Variants in KCNK1 observed in about 807,000 individuals in gnomAD.
The protein encoded by KCNK1 is potassium channel subfamily K member 1.
A neutral mutation model predicts 22.2 loss-of-function variants in KCNK1; 10 were observed. That is an observed-to-expected ratio of 0.45 (90% CI 0.28 to 0.76). The LOEUF (loss-of-function observed/expected upper bound fraction) is 0.76, where lower values mean the gene tolerates loss of function less well. Ranked by LOEUF, KCNK1 falls within the 30% of genes least tolerant of loss-of-function variation. KCNK1 has a pLI of 0.14. For synonymous variants in KCNK1, 200 were observed against 186.4 expected (o/e 1.07, Z -0.60); for missense variants, 378 against 421.0 (o/e 0.90, Z 0.89).
chr1:233,647,059 A>C (rs1312976968), intron 1 of KCNK1, among the ~76,000 whole-genome samples: 1 of 152,154 alleles, frequency 6.6e-6, no homozygotes, highest in African/African-American at 2.4e-5. Context: ...GAGTTAGAAA[A>C]TTTTATTCAA....
intron 1 of KCNK1, among the ~76,000 whole-genome samples, chr1:233,648,180 A>G (rs1473049034): frequency 6.6e-6 from 1 of 152,212 alleles, no homozygotes; most frequent in Non-Finnish European, 1.5e-5. Context: ...ATATACTTGT[A>G]GTACTGTCTC....
intron 1 of KCNK1, among the ~76,000 whole-genome samples, chr1:233,645,085 T>C (rs953006676): frequency 1.6e-4 from 25 of 151,884 alleles, no homozygotes; most frequent in African/African-American, 5.8e-4. Flanking sequence ...TCCCAGCTAC[T>C]TGGAAGGCTG....
At chr1:233,654,338 C>G (rs1443860597) in intron 1 of KCNK1, among the ~76,000 whole-genome samples, 2 of 152,008 alleles carry the variant, frequency 1.3e-5, no homozygotes, top group East Asian at 3.9e-4. Flanking sequence ...CACATATATC[C>G]CAGAACTTAA....
At chr1:233,668,255 A>C (rs1658533740) in intron 2 of KCNK1, among the ~76,000 whole-genome samples, 1 of 152,194 alleles carries the variant, frequency 6.6e-6, no homozygotes, top group South Asian at 2.1e-4. Flanking sequence ...GTAGATACTC[A>C]AGCAGCCAGA....
intron 1 of KCNK1, among the ~76,000 whole-genome samples, chr1:233,653,336 CT>C (rs1352147421): frequency 6.6e-6 from 1 of 152,214 alleles, no homozygotes; most frequent in Non-Finnish European, 1.5e-5. Context: ...CAGATATCCC[CT>C]GGTCTGTTGG....
intron 1 of KCNK1, among the ~76,000 whole-genome samples, chr1:233,664,577 C>T (rs1658457041): frequency 6.6e-6 from 1 of 152,206 alleles, no homozygotes; most frequent in Non-Finnish European, 1.5e-5. Flanking sequence ...GCCCTGGAAT[C>T]TCTCCATGGG....
At chr1:233,655,700 T>C (rs1330311766) in intron 1 of KCNK1, 3 of 152,774 alleles carry the variant, frequency 2.0e-5, no homozygotes, top group East Asian at 1.9e-4. Flanking sequence ...CCTTCCTCCT[T>C]CTGCCTTGTG....
intron 1 of KCNK1, among the ~76,000 whole-genome samples, chr1:233,638,599 C>T (rs1260659120): frequency 1.3e-5 from 2 of 152,138 alleles, no homozygotes; most frequent in African/African-American, 4.8e-5. Context: ...GTGATGGCCA[C>T]GGTGACGCCA....
intron 1 of KCNK1, among the ~76,000 whole-genome samples, chr1:233,663,918 G>A (rs749400828): frequency 1.3e-5 from 2 of 151,880 alleles, no homozygotes; most frequent in African/African-American, 2.4e-5. Flanking sequence ...TGCAAGCTCC[G>A]CCTCACGGGT....
chr1:233,647,917 A>T (rs2102899474), intron 1 of KCNK1, among the ~76,000 whole-genome samples: 1 of 152,290 alleles, frequency 6.6e-6, no homozygotes, highest in Admixed American at 6.5e-5. Flanking sequence ...AATCTCTGCA[A>T]ACTGTACTGA....
At chr1:233,651,638 T>C (rs1478358983) in intron 1 of KCNK1, among the ~76,000 whole-genome samples, 1 of 152,228 alleles carries the variant, frequency 6.6e-6, no homozygotes, top group Non-Finnish European at 1.5e-5. Flanking sequence ...TTTGCTATTC[T>C]GTTTTATGCA....
At chr1:233,650,813 ACT>A (rs1658189320) in intron 1 of KCNK1, among the ~76,000 whole-genome samples, 1 of 151,190 alleles carries the variant, frequency 6.6e-6, no homozygotes, top group African/African-American at 2.4e-5. Flanking sequence ...AAAAAAAAAA[ACT>A]GTTGACTTCA....
At chr1:233,646,358 G>A (rs1658093384) in intron 1 of KCNK1, among the ~76,000 whole-genome samples, 1 of 152,076 alleles carries the variant, frequency 6.6e-6, no homozygotes, top group African/African-American at 2.4e-5. Flanking sequence ...GGTGAGGCTA[G>A]GGGCAGCCAG....
intron 1 of KCNK1, among the ~76,000 whole-genome samples, chr1:233,644,303 A>G (rs1464333180): frequency 6.6e-6 from 1 of 152,194 alleles, no homozygotes; most frequent in Non-Finnish European, 1.5e-5. Context: ...TTCAGTTTCC[A>G]GGACATGAAT....
chr1:233,642,901 T>C (rs1658024028), intron 1 of KCNK1, among the ~76,000 whole-genome samples: 1 of 151,286 alleles, frequency 6.6e-6, no homozygotes, highest in South Asian at 2.1e-4. Flanking sequence ...CATGAGTAGC[T>C]GGGACTACAG....
At chr1:233,668,507 T>C (rs574884356) in intron 2 of KCNK1, among the ~76,000 whole-genome samples, 4 of 152,358 alleles carry the variant, frequency 2.6e-5, no homozygotes, top group African/African-American at 9.6e-5. Context: ...TTAGAGCCCA[T>C]ATGGTATTCA....
intron 1 of KCNK1, among the ~76,000 whole-genome samples, chr1:233,654,160 G>A (rs752628913): frequency 2.6e-5 from 4 of 151,896 alleles, no homozygotes; most frequent in Admixed American, 6.6e-5. Context: ...AGAGGGAAAT[G>A]AGGACCATGT....
intron 2 of KCNK1, among the ~76,000 whole-genome samples, chr1:233,668,610 ATTTTTTT>A (rs775097409): frequency 1.3e-5 from 2 of 148,400 alleles, no homozygotes; most frequent in East Asian, 3.9e-4. Flanking sequence ...ATTGTAGAGA[ATTTTTTT>A]TTTTTGAGAT....
rs746893186 is a variant in KCNK1, at chr1:233,614,340, C to G, written c.169C>G (p.Arg57Gly). ...PYEDLLRQEL[R>G]KLKRRFLEEH... ...TGAGGACCTGCTGCGCCAGGAGCTG[C>G]GCAAGCTGAAGCGACGCTTCTTGGA... is the stretch of plus-strand genomic sequence containing the variant. Residue 57 changes from arginine (R) to glycine (G), a missense_variant, in exon 1 of 3, where the codon CGC becomes GGC. By Grantham distance (125) the Arg-to-Gly change is moderately radical (BLOSUM62 -2). Transcript: ENST00000366621. 6.2e-7 allele frequency: 1 copy of G among 1,611,676 alleles called. No individual in the cohort carries two copies. The highest frequency in any genetic ancestry group is 1.1e-5 in the South Asian group (1 of 90,424).
Sources: allele counts gnomAD v4.1 joint callset (sites outside exome capture counted in the v4.1 genomes callset), GRCh38; gene constraint gnomAD v4.1.1; transcripts MANE v1.5; gene names NCBI Gene and HGNC (gene_info 2026-07-23, HGNC 2026-07-21).